Variants in CEP112 observed in about 807,000 individuals in gnomAD.
CEP112 encodes the protein centrosomal protein 112.
A neutral mutation model predicts 153.0 loss-of-function variants in CEP112; 127 were observed. The ratio of observed to expected loss-of-function variants is 0.83; its 90% CI spans 0.72 to 0.96. The LOEUF is 0.96. Among genes scored for constraint, CEP112 ranks in the 40% least tolerant of loss-of-function variants. CEP112 has a pLI of 0.00. For missense variants in CEP112, 1,089 were observed against 1,101.2 expected, an observed-to-expected ratio of 0.99 and a Z score of 0.16; for synonymous variants, 358 against 374.4, an observed-to-expected ratio of 0.96 and a Z score of 0.51.
chr17:65,884,824 TCTC>T (rs1281621037), intron 20 of CEP112, among the ~76,000 whole-genome samples: 6 of 151,266 alleles, frequency 4.0e-5, no homozygotes, highest in African/African-American at 1.2e-4. Flanking sequence ...TTCAAGCAAT[TCTC>T]CTGCCTCAGC....
At chr17:66,067,027 AC>A in intron 9 of CEP112, 150 bp from the exon 10 acceptor site, 1 of 181,982 alleles carries the variant, frequency 5.5e-6, no homozygotes, top group Non-Finnish European at 9.1e-6. Context: ...ACACACACAC[AC>A]ACACACACAC....
chr17:65,829,632 C>A (rs567801417), intron 21 of CEP112, among the ~76,000 whole-genome samples: 1 of 152,234 alleles, frequency 6.6e-6, no homozygotes, highest in Non-Finnish European at 1.5e-5. Context: ...ATCAGAAAGG[C>A]TGCTTGGAAT....
intron 4 of CEP112, among the ~76,000 whole-genome samples, chr17:66,159,945 T>C (rs1323771755): frequency 6.6e-6 from 1 of 152,082 alleles, no homozygotes; most frequent in Non-Finnish European, 1.5e-5. Context: ...GAAAACCCCA[T>C]TGTCTCGGCG....
intron 17 of CEP112, among the ~76,000 whole-genome samples, chr17:65,976,517 T>C (rs945770085): frequency 6.6e-6 from 1 of 152,156 alleles, no homozygotes; most frequent in Non-Finnish European, 1.5e-5. Context: ...TTTTCATGAA[T>C]AATCTTCCTT....
rs2052800929 is a variant in CEP112, at chr17:65,764,292, TGTCA to T, written c.2395-13572_2395-13569del. ...CCATTTTGTCTAAAGCACAATTCAA[TGTCA>T]GTATTTCCCTTTTAATTTTCTGTCT... On this transcript the variant is annotated intron_variant, in intron 21 of 26. Coordinates refer to ENST00000535342, the MANE Select transcript of CEP112 (RefSeq NM_001199165.4). Among the ~76,000 whole-genome samples the T allele has an allele frequency of 2.6e-5, 4 of 152,372 alleles. No homozygotes were observed. In the South Asian group the frequency reaches 8.3e-4, roughly 32 times the overall value.
intron 20 of CEP112, among the ~76,000 whole-genome samples, chr17:65,852,720 C>T (rs1224666852): frequency 1.3e-5 from 2 of 151,788 alleles, no homozygotes; most frequent in Admixed American, 1.3e-4. Context: ...TGAAATTCAT[C>T]CAGTGTTCCC....
intron 24 of CEP112, among the ~76,000 whole-genome samples, chr17:65,651,791 C>G (rs186494910): frequency 6.6e-6 from 1 of 152,118 alleles, no homozygotes; most frequent in African/African-American, 2.4e-5. Flanking sequence ...AACTCCACCT[C>G]CCAGGTTCAA....
rs1368796980 is a variant in CEP112, at chr17:66,160,787, T to C, written c.470+14257A>G. On this transcript the variant is annotated intron_variant, in intron 4 of 26. Coordinates refer to ENST00000535342, the MANE Select transcript of CEP112 (RefSeq NM_001199165.4). ...TCAGGACATAGGTATGGGCAAAGGC[T>C]TCATGATTAAAACACCAAAAGCAAT... Among the ~76,000 whole-genome samples the C allele has an allele frequency of 2.0e-5, 3 of 152,042 alleles. No individual in the cohort carries two copies. The East Asian group carries it at 5.8e-4, about 29-fold the overall frequency.
intron 20 of CEP112, among the ~76,000 whole-genome samples, chr17:65,901,582 TAC>T (rs1411078092): frequency 2.6e-5 from 4 of 152,170 alleles, no homozygotes; most frequent in African/African-American, 9.7e-5. Context: ...CAACAGGGAC[TAC>T]AGAGATGTGG....
intron 8 of CEP112, among the ~76,000 whole-genome samples, chr17:66,090,746 G>A (rs936346641): frequency 1.3e-5 from 2 of 152,002 alleles, no homozygotes; most frequent in African/African-American, 2.4e-5. Flanking sequence ...TCAAAAGACA[G>A]AATAACTGAA....
At chr17:65,756,552 A>G (rs2052295065) in intron 21 of CEP112, among the ~76,000 whole-genome samples, 1 of 152,102 alleles carries the variant, frequency 6.6e-6, no homozygotes, top group Non-Finnish European at 1.5e-5. Flanking sequence ...TGATCACAGT[A>G]GTTTGGCAAC....
At chr17:66,117,068 C>T (rs2069333601) in intron 6 of CEP112, among the ~76,000 whole-genome samples, 1 of 151,788 alleles carries the variant, frequency 6.6e-6, no homozygotes, top group Non-Finnish European at 1.5e-5. Context: ...TACAAAAATA[C>T]AAAAATTAGT....
At chr17:66,012,885 C>T (rs1333504521) in intron 16 of CEP112, among the ~76,000 whole-genome samples, 2 of 152,162 alleles carry the variant, frequency 1.3e-5, no homozygotes, top group African/African-American at 2.4e-5. Flanking sequence ...GGTCTCTTCA[C>T]ATAATCCCGT....
At chr17:65,763,611 C>T (rs1340714312) in intron 21 of CEP112, among the ~76,000 whole-genome samples, 1 of 151,864 alleles carries the variant, frequency 6.6e-6, no homozygotes, top group African/African-American at 2.4e-5. Flanking sequence ...ATGAGTCTAT[C>T]ACAGTCTTCA....
chr17:66,025,258 C>T (rs541723147), intron 16 of CEP112, among the ~76,000 whole-genome samples: 45 of 152,044 alleles, frequency 3.0e-4, no homozygotes, highest in African/African-American at 9.9e-4. Flanking sequence ...CTCAAAAGCA[C>T]AAGCAACAAA....
At chr17:66,132,895 G>C (rs578207938) in intron 4 of CEP112, 132 bp from the exon 5 acceptor site, 1 of 676,370 alleles carries the variant, frequency 1.5e-6, no homozygotes, top group African/African-American at 1.8e-5. Flanking sequence ...TTCCATAGCC[G>C]GGCGTGGTGG....
At chr17:65,851,742 G>A in intron 21 of CEP112, 62 bp downstream of exon 21, 1 of 1,153,218 alleles carries the variant, frequency 8.7e-7, no homozygotes. Flanking sequence ...TATAAGGGTG[G>A]TGGCAATGGA....
At chr17:65,927,440 C>T in intron 19 of CEP112, 142 bp downstream of exon 19, 1 of 537,368 alleles carries the variant, frequency 1.9e-6, no homozygotes, top group Non-Finnish European at 3.2e-6. Context: ...TTTATTGAAA[C>T]AAACATTATT....
chr17:65,895,722 A>C (rs2059636041), intron 20 of CEP112, among the ~76,000 whole-genome samples: 1 of 152,106 alleles, frequency 6.6e-6, no homozygotes, highest in South Asian at 2.1e-4. Context: ...CTTAGGCAAG[A>C]GATTGTCCTT....
Sources: allele counts gnomAD v4.1 joint callset (sites outside exome capture counted in the v4.1 genomes callset), GRCh38; gene constraint gnomAD v4.1.1; transcripts MANE v1.5; gene names NCBI Gene and HGNC (gene_info 2026-07-23, HGNC 2026-07-21).